Variants in SIPA1L3 observed in about 807,000 individuals in gnomAD.
SIPA1L3 encodes signal-induced proliferation-associated 1-like protein 3.
Under a neutral mutation model 150.1 loss-of-function variants are expected in SIPA1L3, and 59 were observed. The ratio of observed to expected loss-of-function variants is 0.39; its 90% CI spans 0.32 to 0.49. SIPA1L3 has a LOEUF of 0.49. Among genes scored for constraint, SIPA1L3 ranks in the 20% least tolerant of loss-of-function variants. The probability of loss-of-function intolerance (pLI) is 0.86; values close to 1 mark genes in which losing one functional copy is unlikely to be tolerated. For synonymous variants in SIPA1L3, 1,070 were observed against 1,077.6 expected, an observed-to-expected ratio of 0.99 and a Z score of 0.14; for missense variants, 2,211 against 2,489.5, an observed-to-expected ratio of 0.89 and a Z score of 2.38.
chr19:38,116,545 AG>A (rs1568558198), intron 8 of SIPA1L3, among the ~76,000 whole-genome samples: 32 of 143,772 alleles, frequency 2.2e-4, no homozygotes, highest in African/African-American at 7.3e-4. Context: ...AAAAAAAGAA[AG>A]AAAGAAAAGA....
Position 38,082,363 on chromosome 19 carries a change from C to G in SIPA1L3, c.798C>G (p.Pro266=). The G allele has an allele frequency of 6.3e-7, 1 of 1,597,374 alleles. No individual in the cohort carries two copies. The highest frequency in any genetic ancestry group is 1.1e-5 in the South Asian group (1 of 90,778). The change falls in exon 3 of 22, where the codon CCC becomes CCG. Residue 266 remains proline, a synonymous_variant. Transcript: ENST00000222345. ...GAKGDSHNGQ[P]AKDSLLPLQP... Reference sequence around the variant, plus strand: ...AGGGGGACTCCCACAACGGGCAGCCCGCCAAGGACAGCCTCCTGCCACTGC... The same window carrying G: ...AGGGGGACTCCCACAACGGGCAGCCGGCCAAGGACAGCCTCCTGCCACTGC...
At chr19:37,926,150 C>G (rs2046501741) in intron 1 of SIPA1L3, among the ~76,000 whole-genome samples, 1 of 152,130 alleles carries the variant, frequency 6.6e-6, no homozygotes, top group African/African-American at 2.4e-5. Flanking sequence ...AGCTTCCTTT[C>G]AGGAACATGA....
chr19:38,161,270 G>A (rs1447449217), intron 13 of SIPA1L3, among the ~76,000 whole-genome samples: 1 of 149,228 alleles, frequency 6.7e-6, no homozygotes, highest in Non-Finnish European at 1.5e-5. Flanking sequence ...TGACCTGGGA[G>A]GCAGAGGTTG....
At chr19:38,014,537 C>T (rs1372702038) in intron 1 of SIPA1L3, among the ~76,000 whole-genome samples, 2 of 144,216 alleles carry the variant, frequency 1.4e-5, no homozygotes, top group East Asian at 2.1e-4. Flanking sequence ...GCTTCTCACA[C>T]CACATTCTTT....
At position 38,081,803 on chromosome 19, in the gene SIPA1L3, C is replaced by T. The variant is rs372329721; in HGVS notation, c.238C>T (p.Arg80Cys). ...TCCCGCAATGCCCAAGATGGGCGTG[C>T]GCGCAAGGGTGGCCGACTGGCCGCC... ...TTPAMPKMGV[R>C]ARVADWPPKR... is the part of the protein sequence containing the mutation. Residue 80 changes from arginine (R) to cysteine (C), a missense_variant, in exon 3 of 22, where the codon CGC becomes TGC. By Grantham distance (180) the Arg-to-Cys change is radical. Around this residue, in one of 5 missense-constraint regions of SIPA1L3, gnomAD observed 130 missense variants for 174.5 expected, o/e 0.74. Coordinates refer to ENST00000222345, the MANE Select transcript of SIPA1L3 (RefSeq NM_015073.3). 2.5e-6 allele frequency: 4 copies of T among 1,612,914 alleles called. No homozygotes were observed. The highest frequency in any genetic ancestry group is 3.4e-6 in the Non-Finnish European group (4 of 1,179,700).
At chr19:38,145,298 G>A (rs1243765718) in intron 12 of SIPA1L3, among the ~76,000 whole-genome samples, 3 of 152,096 alleles carry the variant, frequency 2.0e-5, no homozygotes, top group Non-Finnish European at 4.4e-5. Context: ...TTGGGAGGCC[G>A]AGATCGGTGG....
At chr19:37,984,422 C>T (rs62120133) in intron 1 of SIPA1L3, among the ~76,000 whole-genome samples, 1 of 151,844 alleles carries the variant, frequency 6.6e-6, no homozygotes, top group Non-Finnish European at 1.5e-5. Flanking sequence ...TGAAGACTTG[C>T]ATCTCAATGC....
chr19:38,014,544 CTTTTT>C (rs72101453), intron 1 of SIPA1L3, among the ~76,000 whole-genome samples: 5 of 116,836 alleles, frequency 4.3e-5, no homozygotes, highest in African/African-American at 1.0e-4. Flanking sequence ...ACACCACATT[CTTTTT>C]TTTTTTTTTT....
At chr19:38,075,794 CAGAAA>C (rs1427005702) in intron 2 of SIPA1L3, among the ~76,000 whole-genome samples, 5 of 150,152 alleles carry the variant, frequency 3.3e-5, no homozygotes, top group African/African-American at 1.2e-4. Context: ...AAAAAAAAAA[CAGAAA>C]AGAAAAGATC....
chr19:38,123,068 C>T (rs1262471599), intron 9 of SIPA1L3, among the ~76,000 whole-genome samples: 1 of 152,190 alleles, frequency 6.6e-6, no homozygotes, highest in Non-Finnish European at 1.5e-5. Flanking sequence ...GCGTCGTATG[C>T]TATAGTGGCC....
At chr19:38,189,260 G>T (rs151049782) in intron 16 of SIPA1L3, among the ~76,000 whole-genome samples, 45 of 151,812 alleles carry the variant, frequency 3.0e-4, no homozygotes, top group African/African-American at 1.0e-3. Context: ...TAGTAGCTGG[G>T]CCCATAGGAG....
intron 10 of SIPA1L3, among the ~76,000 whole-genome samples, chr19:38,136,183 CAAA>C (rs56146390): frequency 6.8e-5 from 3 of 44,118 alleles, no homozygotes; most frequent in African/African-American, 1.7e-4. Context: ...GAGACTGTCT[CAAA>C]AAAAAAAAAA....
At chr19:38,197,681 C>T (rs1038635778) in intron 18 of SIPA1L3, among the ~76,000 whole-genome samples, 7 of 151,922 alleles carry the variant, frequency 4.6e-5, no homozygotes, top group East Asian at 1.9e-4. Flanking sequence ...CGATCAGAGC[C>T]GCAATCCTGG....
chr19:37,989,006 C>A (rs1967431927), intron 1 of SIPA1L3, among the ~76,000 whole-genome samples: 1 of 152,188 alleles, frequency 6.6e-6, no homozygotes, highest in Admixed American at 6.5e-5. Context: ...AAACAGATTC[C>A]TCTCCCCTTC....
At chr19:38,117,673 AG>A (rs1205759518) in intron 8 of SIPA1L3, among the ~76,000 whole-genome samples, 1 of 151,988 alleles carries the variant, frequency 6.6e-6, no homozygotes. Flanking sequence ...GGGGTGGGGA[AG>A]GGAGAGAATG....
chr19:38,193,446 C>G, intron 17 of SIPA1L3, 91 bp from the exon 18 acceptor site: 1 of 1,348,720 alleles, frequency 7.4e-7, no homozygotes, highest in Non-Finnish European at 9.5e-7. Context: ...TAAGGACTCG[C>G]CACCAATGTC....
Position 38,131,214 on chromosome 19 carries a change from G to A in SIPA1L3, c.3143+442G>A, listed in dbSNP as rs551003114. 1.2e-3 allele frequency among the ~76,000 whole-genome samples: 189 copies of A among 152,328 alleles called. 1 individual carries two copies. The highest frequency in any genetic ancestry group is 4.4e-3 in the African/African-American group (183 of 41,568). Reference sequence around the variant, plus strand: ...TGTGTTCTACAGGGAAAGACAGGCCGTGAAGAAATAGGTGTGTCATACCGG... The same window carrying A: ...TGTGTTCTACAGGGAAAGACAGGCCATGAAGAAATAGGTGTGTCATACCGG... On this transcript the variant is annotated intron_variant, in intron 10 of 21. Coordinates refer to ENST00000222345, the MANE Select transcript of SIPA1L3 (RefSeq NM_015073.3).
chr19:38,105,846 A>G (rs1329272991), intron 6 of SIPA1L3, among the ~76,000 whole-genome samples: 1 of 152,208 alleles, frequency 6.6e-6, no homozygotes, highest in Non-Finnish European at 1.5e-5. Context: ...CCCATATCCC[A>G]GGACACGTGT....
intron 16 of SIPA1L3, among the ~76,000 whole-genome samples, chr19:38,186,618 G>A (rs1271255592): frequency 6.7e-6 from 1 of 149,402 alleles, no homozygotes; most frequent in Non-Finnish European, 1.5e-5. Context: ...GCCTCCCAAA[G>A]TGCTGGGATT....
Sources: allele counts gnomAD v4.1 joint callset (sites outside exome capture counted in the v4.1 genomes callset), GRCh38; gene constraint gnomAD v4.1.1; regional missense constraint gnomAD v4.1.1; transcripts MANE v1.5; gene names NCBI Gene and HGNC (gene_info 2026-07-23, HGNC 2026-07-21).